The following MTA3 variants were observed in gnomAD, a reference collection of about 807,000 sequenced individuals.
MTA3 encodes the protein metastasis associated 1 family member 3, also known as metastasis-associated protein MTA3.
In MTA3, 34 loss-of-function variants were observed where a neutral mutation model predicts 83.5. That is an observed-to-expected ratio of 0.41 (90% CI 0.31 to 0.54). The LOEUF (loss-of-function observed/expected upper bound fraction) is 0.54. Ranked by LOEUF, MTA3 falls within the 20% of genes least tolerant of loss-of-function variation. MTA3 has a pLI of 0.33. For synonymous variants in MTA3, 303 were observed against 252.7 expected, an observed-to-expected ratio of 1.20 and a Z score of -1.89; for missense variants, 761 against 726.4, an observed-to-expected ratio of 1.05 and a Z score of -0.55.
At chr2:42,582,065 T>C (rs1281083880) in intron 3 of MTA3, among the ~76,000 whole-genome samples, 2 of 151,994 alleles carry the variant, frequency 1.3e-5, no homozygotes, top group Admixed American at 1.3e-4. Flanking sequence ...AGATATTTTA[T>C]CTTTTTTTTT....
intron 2 of MTA3, among the ~76,000 whole-genome samples, chr2:42,503,227 C>T (rs1674479628): frequency 6.6e-6 from 1 of 152,150 alleles, no homozygotes; most frequent in African/African-American, 2.4e-5. Context: ...TTCATGACTC[C>T]TCTTTTTAGA....
chr2:42,535,787 G>A (rs1482265847), intron 2 of MTA3, among the ~76,000 whole-genome samples: 1 of 152,088 alleles, frequency 6.6e-6, no homozygotes. Context: ...GGATCCTGGG[G>A]GTGGTCCTAC....
intron 3 of MTA3, among the ~76,000 whole-genome samples, chr2:42,586,318 C>T (rs1442074346): frequency 6.6e-6 from 1 of 150,580 alleles, no homozygotes; most frequent in East Asian, 1.9e-4. Flanking sequence ...GGGGCAGTGG[C>T]TTACGCCTGT....
chr2:42,720,663 C>T (rs962763084), intron 15 of MTA3, among the ~76,000 whole-genome samples: 1 of 151,194 alleles, frequency 6.6e-6, no homozygotes, highest in South Asian at 2.1e-4. Context: ...TTTCTGATCA[C>T]AAAAAATAGA....
At position 42,704,245 on chromosome 2, in the gene MTA3, T is replaced by C; in HGVS notation, c.1077T>C (p.Ala359=). 6.2e-7 allele frequency: 1 copy of C among 1,614,006 alleles called. No individual in the cohort carries two copies. Among genetic ancestry groups the C allele is most frequent in the Non-Finnish European group, 8.5e-7 (1 of 1,179,880 alleles). ...QISTSNGKPG[A]VNGAVGTTFQ... ...CCACTAGTAATGGGAAGCCTGGTGC[T>C]GTGAATGGAGCTGTGGGGACCACGT... The change falls in exon 12 of 17, where the codon GCT becomes GCC. Residue 359 remains alanine, a synonymous_variant. Transcript: ENST00000405094.
chr2:42,747,551 C>T (rs565952533), intron 16 of MTA3, among the ~76,000 whole-genome samples: 10 of 151,694 alleles, frequency 6.6e-5, no homozygotes, highest in African/African-American at 2.4e-4. Flanking sequence ...TTTTCTGAGG[C>T]CTGCTCTTGA....
intron 16 of MTA3, among the ~76,000 whole-genome samples, chr2:42,732,856 T>G (rs955721904): frequency 6.6e-6 from 1 of 152,242 alleles, no homozygotes; most frequent in African/African-American, 2.4e-5. Context: ...CACTAGTCTC[T>G]TTGCTGAAAC....
At chr2:42,633,766 C>T (rs1401409647) in intron 4 of MTA3, among the ~76,000 whole-genome samples, 3 of 150,852 alleles carry the variant, frequency 2.0e-5, no homozygotes, top group Non-Finnish European at 2.9e-5. Context: ...TGGTGGCGGG[C>T]GCCTGTAGTC....
At chr2:42,516,602 G>A (rs189046730) in intron 2 of MTA3, among the ~76,000 whole-genome samples, 21 of 152,248 alleles carry the variant, frequency 1.4e-4, no homozygotes, top group Admixed American at 1.2e-3. Flanking sequence ...ATGGCTCACC[G>A]GCGGGAACTT....
At chr2:42,586,557 AACACACAC>A (rs68029790) in intron 3 of MTA3, among the ~76,000 whole-genome samples, 1,674 of 125,688 alleles carry the variant, frequency 0.013, 28 homozygotes, top group Non-Finnish European at 0.02. Context: ...AAGGAAGGAA[AACACACAC>A]ACACACACAC....
chr2:42,663,789 C>T (rs899124256), intron 8 of MTA3, among the ~76,000 whole-genome samples: 3 of 152,180 alleles, frequency 2.0e-5, no homozygotes, highest in African/African-American at 4.8e-5. Context: ...TTCTGTAATA[C>T]TTGCCTCTTA....
intron 3 of MTA3, among the ~76,000 whole-genome samples, chr2:42,602,948 T>C (rs6544572): frequency 0.78 from 118,586 of 151,900 alleles, 47,089 homozygotes; most frequent in African/African-American, 0.92. Flanking sequence ...GAATTTCCTC[T>C]GTCATGCTTC....
intron 5 of MTA3, among the ~76,000 whole-genome samples, chr2:42,642,844 C>T (rs1687818781): frequency 6.6e-6 from 1 of 152,010 alleles, no homozygotes; most frequent in African/African-American, 2.4e-5. Context: ...GGGATTTCAC[C>T]ATGTTGGCGA....
Position 42,753,504 on chromosome 2 carries a change from G to A in MTA3, c.*105G>A. 6.5e-7 allele frequency: 1 copy of A among 1,537,696 alleles called. No homozygotes were observed. Among genetic ancestry groups the A allele is most frequent in the Non-Finnish European group, 8.8e-7 (1 of 1,139,946 alleles). On this transcript the variant is annotated 3_prime_UTR_variant, in exon 17 of 17. Transcript: ENST00000405094. Reference sequence around the variant, plus strand: ...AGCCCCACTCCCAGTACATTTCAGTGGGAGACCTCTGCGTGCATCCATGGA... The same window carrying A: ...AGCCCCACTCCCAGTACATTTCAGTAGGAGACCTCTGCGTGCATCCATGGA...
chr2:42,547,398 G>A (rs1452018365), intron 2 of MTA3, among the ~76,000 whole-genome samples: 2 of 152,256 alleles, frequency 1.3e-5, no homozygotes, highest in Non-Finnish European at 2.9e-5. Flanking sequence ...CGCAATCTCT[G>A]CTCACTGCAA....
chr2:42,524,472 GTTTTTTT>G (rs58288129), intron 2 of MTA3, among the ~76,000 whole-genome samples: 5 of 70,680 alleles, frequency 7.1e-5, no homozygotes, highest in African/African-American at 2.9e-4. Flanking sequence ...GGCTAGTTGT[GTTTTTTT>G]TTTTTTTTTT....
chr2:42,707,865 A>C (rs1282241421), intron 12 of MTA3, 38 bp from the exon 13 acceptor site: 1 of 1,481,474 alleles, frequency 6.8e-7, no homozygotes, highest in East Asian at 2.4e-5. Flanking sequence ...CAAATTAAAT[A>C]GCATTTTTCG....
At chr2:42,575,680 A>G (rs992222507) in intron 2 of MTA3, among the ~76,000 whole-genome samples, 4 of 152,246 alleles carry the variant, frequency 2.6e-5, no homozygotes, top group Admixed American at 6.5e-5. Flanking sequence ...AACCTAACCC[A>G]GGATTCACGT....
At chr2:42,640,089 C>A in intron 4 of MTA3, 84 bp from the exon 5 acceptor site, 2 of 1,000,010 alleles carry the variant, frequency 2.0e-6, no homozygotes, top group Non-Finnish European at 3.0e-6. Context: ...TAATACCAGT[C>A]TCACATTCTT....
Sources: gnomAD v4.1 joint callset for allele counts (sites outside exome capture counted in the v4.1 genomes callset) on GRCh38, gnomAD v4.1.1 for gene constraint, MANE v1.5 for transcripts, NCBI Gene and HGNC (gene_info 2026-07-23, HGNC 2026-07-21) for gene names.